ANKRD30B: variants seen among roughly 807,000 people sequenced by gnomAD.
The protein encoded by ANKRD30B is ankyrin repeat domain-containing protein 30B.
ANKRD30B carries 144 observed loss-of-function variants against 202.2 expected under a neutral mutation model. The ratio of observed to expected loss-of-function variants is 0.71; its 90% CI spans 0.62 to 0.82. The LOEUF (loss-of-function observed/expected upper bound fraction) is 0.82, where lower values mean the gene tolerates loss of function less well. ANKRD30B is among the 40% of genes least tolerant of loss of function. The pLI, the probability that ANKRD30B is intolerant of heterozygous loss-of-function variation, is 0.00. For missense variants in ANKRD30B, 1,487 were observed against 1,669.1 expected, an observed-to-expected ratio of 0.89 and a Z score of 1.90; for synonymous variants, 508 against 561.3, an observed-to-expected ratio of 0.91 and a Z score of 1.34.
intron 24 of ANKRD30B, among the ~76,000 whole-genome samples, chr18:14,807,606 A>C (rs1969601674): frequency 6.7e-6 from 1 of 148,666 alleles, no homozygotes; most frequent in Admixed American, 6.7e-5. Context: ...ATCTTGACTC[A>C]CTGCCACCTG....
At chr18:14,752,075 A>G (rs1913537766) in intron 1 of ANKRD30B, among the ~76,000 whole-genome samples, 1 of 152,182 alleles carries the variant, frequency 6.6e-6, no homozygotes, top group Non-Finnish European at 1.5e-5. Flanking sequence ...CACACCACGA[A>G]GTAGGCATAA....
intron 9 of ANKRD30B, among the ~76,000 whole-genome samples, chr18:14,776,888 T>C (rs1321203762): frequency 6.6e-6 from 1 of 152,240 alleles, no homozygotes; most frequent in Non-Finnish European, 1.5e-5. Flanking sequence ...TTTAAGCCCT[T>C]GTTTTCCTAA....
chr18:14,828,329 A>C, intron 33 of ANKRD30B, 21 bp downstream of exon 33: 1 of 1,512,206 alleles, frequency 6.6e-7, no homozygotes, highest in Non-Finnish European at 8.9e-7. Flanking sequence ...GCGGTTTTTT[A>C]AAACGTATAT....
chr18:14,910,246 C>A, the ANKRD30B span: 2 of 152,028 alleles, frequency 1.3e-5, no homozygotes, highest in Non-Finnish European at 2.9e-5. Context: ...ACCCTCCCAC[C>A]TTTTGTAGTC....
At chr18:14,796,313 A>C (rs564302438) in intron 17 of ANKRD30B, 30 bp from the exon 18 acceptor site, 1 of 1,608,802 alleles carries the variant, frequency 6.2e-7, no homozygotes, top group African/African-American at 1.3e-5. Flanking sequence ...TATATTATGT[A>C]TTAATTTTTG....
the ANKRD30B span, among the ~76,000 whole-genome samples, chr18:14,899,333 G>A: frequency 2.0e-5 from 3 of 152,066 alleles, no homozygotes; most frequent in East Asian, 1.9e-4. Flanking sequence ...CATATAGCAT[G>A]TGTAGAATTA....
rs974362829 is a variant in ANKRD30B at position 14,797,162 on chromosome 18, G to C, written c.1928-499G>C. Among the ~76,000 whole-genome samples, 80 of 152,106 alleles carry C rather than the reference G, an allele frequency of 5.3e-4. 1 individual carries two copies. The highest frequency in any genetic ancestry group is 1.1e-3 in the Non-Finnish European group (74 of 68,016). ...CCTAAAGAGGCCTAGAAGAGCCGTG[G>C]CAAGATGAGGGCATTCATAGCACTA... On this transcript the variant is annotated intron_variant, in intron 18 of 43. Coordinates refer to ENST00000690538, the MANE Select transcript of ANKRD30B (RefSeq NM_001367607.2).
chr18:14,887,406 T>C, the ANKRD30B span, among the ~76,000 whole-genome samples: 1 of 152,184 alleles, frequency 6.6e-6, no homozygotes, highest in African/African-American at 2.4e-5. Context: ...ATGATACTTT[T>C]CTACCCATGC....
chr18:14,860,754 G>A, the ANKRD30B span, among the ~76,000 whole-genome samples: 6 of 151,908 alleles, frequency 3.9e-5, no homozygotes, highest in Non-Finnish European at 8.8e-5. Context: ...ACCCAGGCTG[G>A]AGTGCAGTGG....
chr18:14,831,344 T>C (rs1189023805), intron 33 of ANKRD30B, 39 bp from the exon 34 acceptor site: 5 of 1,318,840 alleles, frequency 3.8e-6, no homozygotes, highest in East Asian at 5.1e-5. Flanking sequence ...TTTTTAAATA[T>C]ATGAATTTGC....
intron 39 of ANKRD30B, 75 bp from the exon 40 acceptor site, chr18:14,848,641 T>C: frequency 8.4e-7 from 1 of 1,183,908 alleles, no homozygotes; most frequent in Non-Finnish European, 1.1e-6. Context: ...TATGAGTTAG[T>C]GATTGTTAAA....
intron 36 of ANKRD30B, among the ~76,000 whole-genome samples, chr18:14,839,535 A>C (rs1971324931): frequency 6.6e-6 from 1 of 152,200 alleles, no homozygotes; most frequent in Admixed American, 6.5e-5. Context: ...AAGTCTGCAA[A>C]TATGTGTCTG....
At chr18:14,792,124 G>A (rs928043005) in intron 16 of ANKRD30B, among the ~76,000 whole-genome samples, 1 of 152,148 alleles carries the variant, frequency 6.6e-6, no homozygotes, top group Non-Finnish European at 1.5e-5. Context: ...TCAAACTTTA[G>A]AAAACCGTCT....
the ANKRD30B span, among the ~76,000 whole-genome samples, chr18:14,891,187 T>C: frequency 6.6e-6 from 1 of 152,164 alleles, no homozygotes; most frequent in Non-Finnish European, 1.5e-5. Flanking sequence ...AGAAGCTATT[T>C]TCTAAAATAT....
chr18:14,917,011 T>G, the ANKRD30B span, among the ~76,000 whole-genome samples: 1 of 152,108 alleles, frequency 6.6e-6, no homozygotes, highest in Non-Finnish European at 1.5e-5. Context: ...GGCCACCAAC[T>G]CAGCCGGGGG....
intron 32 of ANKRD30B, among the ~76,000 whole-genome samples, chr18:14,826,693 T>A (rs62086448): frequency 0.31 from 39,270 of 125,062 alleles, 6,301 homozygotes; most frequent in Non-Finnish European, 0.37. Flanking sequence ...TCTCTCTCTC[T>A]CACACACACA....
At chr18:14,808,184 C>G (rs1969643154) in intron 24 of ANKRD30B, among the ~76,000 whole-genome samples, 1 of 150,234 alleles carries the variant, frequency 6.7e-6, no homozygotes, top group African/African-American at 2.5e-5. Context: ...TTACCTAGGA[C>G]TTATTTTTTT....
chr18:14,910,087 AT>A, the ANKRD30B span: 1 of 152,320 alleles, frequency 6.6e-6, no homozygotes, highest in Non-Finnish European at 1.5e-5. Flanking sequence ...TTTAAATAAA[AT>A]TTTTAAATTT....
At chr18:14,905,856 A>G in the ANKRD30B span, 1 of 152,178 alleles carries the variant, frequency 6.6e-6, no homozygotes, top group Non-Finnish European at 1.5e-5. Context: ...TCATCCATGA[A>G]GGGATGTCTA....
Sources: allele counts gnomAD v4.1 joint callset (sites outside exome capture counted in the v4.1 genomes callset), GRCh38; gene constraint gnomAD v4.1.1; transcripts MANE v1.5; gene names NCBI Gene and HGNC (gene_info 2026-07-23, HGNC 2026-07-21).